The following CDH12 variants were observed in gnomAD, a reference collection of about 807,000 sequenced individuals.
CDH12 encodes the protein cadherin 12, also known as cadherin-12.
CDH12 carries 41 observed loss-of-function variants against 74.1 expected under a neutral mutation model. That is an observed-to-expected ratio of 0.55 (90% confidence interval 0.43 to 0.72). The LOEUF (loss-of-function observed/expected upper bound fraction) is 0.72. Ranked by LOEUF, CDH12 falls within the 30% of genes least tolerant of loss-of-function variation. The probability of loss-of-function intolerance (pLI) is 0.00; values close to 1 mark genes in which losing one functional copy is unlikely to be tolerated. For synonymous variants in CDH12, 399 were observed against 355.0 expected (o/e 1.12, Z -1.39); for missense variants, 945 against 977.2 (o/e 0.97, Z 0.44).
intron 3 of CDH12, among the ~76,000 whole-genome samples, chr5:22,315,385 T>G (rs2150432482): frequency 6.6e-6 from 1 of 152,198 alleles, no homozygotes; most frequent in South Asian, 2.1e-4. Flanking sequence ...ACGATGAGTT[T>G]ATTTTTATAT....
At chr5:21,886,625 A>G (rs1752648360) in intron 6 of CDH12, among the ~76,000 whole-genome samples, 3 of 149,146 alleles carry the variant, frequency 2.0e-5, no homozygotes, top group African/African-American at 7.3e-5. Context: ...GTTTTGTTCT[A>G]TTTCTTTAGA....
chr5:22,314,789 AG>A (rs1185436797), intron 3 of CDH12, among the ~76,000 whole-genome samples: 1 of 152,110 alleles, frequency 6.6e-6, no homozygotes, highest in Non-Finnish European at 1.5e-5. Context: ...AAAAGGAATG[AG>A]GAAAGATCAT....
chr5:22,364,594 T>C (rs1740954464), intron 3 of CDH12, among the ~76,000 whole-genome samples: 1 of 152,124 alleles, frequency 6.6e-6, no homozygotes, highest in South Asian at 2.1e-4. Context: ...TGGATCAAAG[T>C]ATGGAACATT....
intron 2 of CDH12, among the ~76,000 whole-genome samples, chr5:22,487,365 G>A (rs1746651465): frequency 6.6e-6 from 1 of 151,838 alleles, no homozygotes; most frequent in Non-Finnish European, 1.5e-5. Flanking sequence ...AGTATATAGT[G>A]GACAACAAGG....
intron 1 of CDH12, among the ~76,000 whole-genome samples, chr5:22,737,219 T>C (rs577833344): frequency 6.6e-6 from 1 of 152,044 alleles, no homozygotes; most frequent in Admixed American, 6.6e-5. Flanking sequence ...AATCTGAATA[T>C]AGGCATGATT....
intron 3 of CDH12, among the ~76,000 whole-genome samples, chr5:22,325,833 G>A (rs893417773): frequency 2.0e-5 from 3 of 152,188 alleles, no homozygotes; most frequent in East Asian, 1.9e-4. Context: ...GTGTGAACCC[G>A]GGAGGCGGAG....
At chr5:21,821,929 T>C (rs1266482334) in intron 8 of CDH12, among the ~76,000 whole-genome samples, 2 of 151,970 alleles carry the variant, frequency 1.3e-5, no homozygotes, top group Non-Finnish European at 2.9e-5. Flanking sequence ...TTCTTAAATA[T>C]GTATCACACA....
At chr5:22,814,267 A>T (rs1749285358) in intron 1 of CDH12, among the ~76,000 whole-genome samples, 1 of 152,228 alleles carries the variant, frequency 6.6e-6, no homozygotes, top group Non-Finnish European at 1.5e-5. Flanking sequence ...GAAATGACAA[A>T]AATAAACATA....
chr5:22,578,676 C>G (rs1468984283), intron 1 of CDH12, among the ~76,000 whole-genome samples: 1 of 152,034 alleles, frequency 6.6e-6, no homozygotes, highest in Non-Finnish European at 1.5e-5. Context: ...GCCAAAGCAC[C>G]TTAACTGTTT....
At chr5:22,608,222 G>A (rs1341745982) in intron 1 of CDH12, among the ~76,000 whole-genome samples, 7 of 152,226 alleles carry the variant, frequency 4.6e-5, no homozygotes, top group Admixed American at 2.6e-4. Context: ...CCACAGGGTT[G>A]GAGCTGCCCA....
At chr5:22,488,471 T>G (rs1325866487) in intron 2 of CDH12, among the ~76,000 whole-genome samples, 1 of 152,176 alleles carries the variant, frequency 6.6e-6, no homozygotes, top group African/African-American at 2.4e-5. Flanking sequence ...TTTTAATGCT[T>G]TTACATTTTG....
chr5:22,162,717 T>C (rs1748431508), intron 4 of CDH12, among the ~76,000 whole-genome samples: 1 of 152,098 alleles, frequency 6.6e-6, no homozygotes, highest in Non-Finnish European at 1.5e-5. Context: ...ATCCAACTCC[T>C]CATCATTTGC....
intron 5 of CDH12, among the ~76,000 whole-genome samples, chr5:22,027,389 G>A (rs1580133352): frequency 1.3e-5 from 2 of 152,260 alleles, no homozygotes; most frequent in African/African-American, 4.8e-5. Context: ...AGAAGGAATG[G>A]TACCAGTTCC....
chr5:22,276,647 A>G (rs1261069904), intron 3 of CDH12, among the ~76,000 whole-genome samples: 1 of 152,224 alleles, frequency 6.6e-6, no homozygotes, highest in Non-Finnish European at 1.5e-5. Context: ...AATAATTATG[A>G]AGTACTAGGA....
chr5:21,760,425 A>G (rs1348485435), intron 13 of CDH12, 133 bp downstream of exon 13: 3 of 650,694 alleles, frequency 4.6e-6, no homozygotes, highest in Admixed American at 5.0e-5. Context: ...TAGGTACAGA[A>G]TATTGCCTTT....
At position 22,644,919 on chromosome 5, in the gene CDH12, G is replaced by A. The variant is rs565997250; in HGVS notation, c.-522-139555C>T. Among the ~76,000 whole-genome samples the A allele has an allele frequency of 4.9e-4, 74 of 152,142 alleles. 1 individual carries two copies. Among genetic ancestry groups the A allele is most frequent in the Admixed American group, 5.9e-4 (9 of 15,242 alleles). On this transcript the variant is annotated intron_variant, in intron 1 of 14. Coordinates refer to ENST00000382254, the MANE Select transcript of CDH12 (RefSeq NM_004061.5). ...ATAAATGGAACAACAAAGCCGAGAT[G>A]ACAGCTCATCTGTTTACAGCCTGAT...
chr5:21,995,529 A>G (rs1159443635), intron 5 of CDH12, among the ~76,000 whole-genome samples: 2 of 151,766 alleles, frequency 1.3e-5, no homozygotes, highest in Non-Finnish European at 2.9e-5. Flanking sequence ...AAAACAGGGG[A>G]TTTTTGAAAA....
At chr5:22,569,130 G>T (rs1031246337) in intron 1 of CDH12, among the ~76,000 whole-genome samples, 1 of 152,144 alleles carries the variant, frequency 6.6e-6, no homozygotes, top group African/African-American at 2.4e-5. Context: ...TTTCAAAATT[G>T]TAGTCAATCC....
At chr5:22,183,919 C>T (rs1422477176) in intron 4 of CDH12, among the ~76,000 whole-genome samples, 8 of 151,502 alleles carry the variant, frequency 5.3e-5, no homozygotes, top group Non-Finnish European at 1.2e-4. Flanking sequence ...CCTTTCTACA[C>T]AAAAATAACT....
Sources: allele counts gnomAD v4.1 joint callset (sites outside exome capture counted in the v4.1 genomes callset), GRCh38; gene constraint gnomAD v4.1.1; transcripts MANE v1.5; gene names NCBI Gene and HGNC (gene_info 2026-07-23, HGNC 2026-07-21).